Variants in SMIM41 observed in about 807,000 individuals in gnomAD.
The protein encoded by SMIM41 is small integral membrane protein 41.
At chr12:52,099,551 C>A (rs1459794562) in intron 2 of SMIM41, among the ~76,000 whole-genome samples, 2 of 151,912 alleles carry the variant, frequency 1.3e-5, no homozygotes, top group African/African-American at 4.8e-5. Context: ...AAGTAATATC[C>A]TCTCCTCCAC....
chr12:52,087,746 C>G (rs1018376182), intron 2 of SMIM41: 1 of 152,282 alleles, frequency 6.6e-6, no homozygotes, highest in Non-Finnish European at 1.5e-5. Context: ...CTTGGCAACA[C>G]TCAAATGAGA....
At chr12:52,088,537 G>A (rs1939928187) in intron 2 of SMIM41, among the ~76,000 whole-genome samples, 1 of 152,198 alleles carries the variant, frequency 6.6e-6, no homozygotes, top group African/African-American at 2.4e-5. Flanking sequence ...GCATCTTAGA[G>A]GATGGTTTCT....
intron 2 of SMIM41, among the ~76,000 whole-genome samples, chr12:52,086,386 C>T (rs1364948648): frequency 6.6e-6 from 1 of 152,168 alleles, no homozygotes; most frequent in Non-Finnish European, 1.5e-5. Context: ...TGCGAGCCCA[C>T]TGCAGGGTGA....
At chr12:52,087,491 G>T (rs570364352) in intron 2 of SMIM41, 3 of 152,826 alleles carry the variant, frequency 2.0e-5, no homozygotes, top group Admixed American at 1.3e-4. Context: ...CAGCCAGGTC[G>T]TCAGATCCCC....
chr12:52,092,599 T>C (rs1246482595), intron 2 of SMIM41: 4 of 152,206 alleles, frequency 2.6e-5, no homozygotes. Flanking sequence ...CAAATAATTC[T>C]TTCACCTCCT....
chr12:52,099,160 C>T (rs1271026939), intron 2 of SMIM41, among the ~76,000 whole-genome samples: 9 of 151,928 alleles, frequency 5.9e-5, no homozygotes, highest in Non-Finnish European at 1.2e-4. Context: ...ATCATCCTGT[C>T]GCCCTCTGGA....
chr12:52,098,848 G>A (rs1230029678), intron 2 of SMIM41, among the ~76,000 whole-genome samples: 3 of 151,708 alleles, frequency 2.0e-5, no homozygotes, highest in Non-Finnish European at 4.4e-5. Context: ...GATATTCAAC[G>A]TAATCTTAGC....
At chr12:52,092,789 T>C (rs1256909393) in intron 2 of SMIM41, 1 of 152,250 alleles carries the variant, frequency 6.6e-6, no homozygotes, top group African/African-American at 2.4e-5. Flanking sequence ...AAAATTAATT[T>C]TATTCCCAAG....
chr12:52,092,099 G>A (rs999755284), intron 2 of SMIM41: 1 of 152,200 alleles, frequency 6.6e-6, no homozygotes, highest in African/African-American at 2.4e-5. Flanking sequence ...CTGGGAGGGC[G>A]TTCCAAAGGC....
At position 52,107,138 on chromosome 12, in the gene SMIM41, A is replaced by G. The variant is rs1236953727; in HGVS notation, c.*196-241A>G. 3.2e-5 allele frequency: 11 copies of G among 343,822 alleles called. No individual in the cohort carries two copies. The East Asian group carries it at 8.2e-4, about 26-fold the overall frequency. The allele number at this position is 343,822 out of a possible 1,614,324, so 21.3% of individuals were successfully genotyped here. Reference sequence around the variant, plus strand: ...GTACAGCAAGAACTGAATAACACAGAATCAATGATGAAAGCATTATAAGAC... The same window carrying G: ...GTACAGCAAGAACTGAATAACACAGGATCAATGATGAAAGCATTATAAGAC... On this transcript the variant is annotated intron_variant, in intron 2 of 2. Coordinates refer to ENST00000546390, the MANE Select transcript of SMIM41 (RefSeq NM_001369216.1).
rs374776327 is a variant in SMIM41 at position 52,081,683 on chromosome 12, G to A, written c.*120+1502G>A. Among the ~76,000 whole-genome samples, 4 of 152,136 alleles carry A rather than the reference G, an allele frequency of 2.6e-5. No individual in the cohort carries two copies. The highest frequency in any genetic ancestry group is 6.5e-5 in the Admixed American group (1 of 15,284). On this transcript the variant is annotated intron_variant, in intron 1 of 2. Transcript: ENST00000546390. The surrounding 1 kb of genome is among the most constrained non-coding windows in gnomAD (Gnocchi z 4.1). ...GGAACTTCCTCTCTTGATTGTACCC[G>A]GTTTCACCCAGCTGCCTTGCCTGTC...
At chr12:52,083,666 G>A (rs1382804925) in intron 1 of SMIM41, among the ~76,000 whole-genome samples, 2 of 152,224 alleles carry the variant, frequency 1.3e-5, no homozygotes, top group African/African-American at 4.8e-5. Context: ...TCAGAGTCCA[G>A]CCTGAGCCTC....
At chr12:52,083,461 C>A (rs550905778) in intron 1 of SMIM41, among the ~76,000 whole-genome samples, 128 of 152,330 alleles carry the variant, frequency 8.4e-4, no homozygotes, top group African/African-American at 2.9e-3. Context: ...GCAGATATAG[C>A]AACCCCAGCC....
intron 2 of SMIM41, among the ~76,000 whole-genome samples, chr12:52,105,985 C>T (rs1241887792): frequency 6.6e-6 from 1 of 152,148 alleles, no homozygotes; most frequent in African/African-American, 2.4e-5. Context: ...CGATCGTGGG[C>T]TCCCGCTGCA....
chr12:52,098,525 G>A (rs1162776811), intron 2 of SMIM41, among the ~76,000 whole-genome samples: 4 of 140,614 alleles, frequency 2.8e-5, no homozygotes, highest in South Asian at 2.3e-4. Flanking sequence ...GGGGGGGGAC[G>A]TACACCCCGT....
intron 2 of SMIM41, among the ~76,000 whole-genome samples, chr12:52,087,065 A>G (rs908068646): frequency 6.6e-6 from 1 of 152,154 alleles, no homozygotes; most frequent in Non-Finnish European, 1.5e-5. Flanking sequence ...CTCCTGCTGC[A>G]TTACTGCAAG....
At chr12:52,084,395 A>C (rs1012182776) in intron 2 of SMIM41, among the ~76,000 whole-genome samples, 2 of 152,004 alleles carry the variant, frequency 1.3e-5, no homozygotes, top group African/African-American at 4.8e-5. Flanking sequence ...CAAACAAAAA[A>C]AAACAAACAA....
intron 2 of SMIM41, chr12:52,094,966 G>T (rs1168088528): frequency 5.8e-5 from 8 of 137,278 alleles, no homozygotes; most frequent in African/African-American, 1.8e-4. Context: ...TTTTTTTTGA[G>T]ATGGAATCTT....
chr12:52,095,427 T>C (rs1188526865), intron 2 of SMIM41, among the ~76,000 whole-genome samples: 2 of 152,210 alleles, frequency 1.3e-5, no homozygotes, highest in East Asian at 3.9e-4. Context: ...CAGTAATGTC[T>C]TCTCCGCCTC....
Sources: allele counts gnomAD v4.1 joint callset (sites outside exome capture counted in the v4.1 genomes callset), GRCh38; gene constraint gnomAD v4.1.1; non-coding constraint Gnocchi (gnomAD v3.1); transcripts MANE v1.5; gene names NCBI Gene and HGNC (gene_info 2026-07-23, HGNC 2026-07-21).